Variants in HSD17B7 observed in about 807,000 individuals in gnomAD.
The protein encoded by HSD17B7 is 3-keto-steroid reductase/17-beta-hydroxysteroid dehydrogenase 7.
A neutral mutation model predicts 34.1 loss-of-function variants in HSD17B7; 17 were observed. The ratio of observed to expected loss-of-function variants is 0.50; its 90% CI spans 0.34 to 0.75. The LOEUF is 0.75. Ranked by LOEUF, HSD17B7 falls within the 30% of genes least tolerant of loss-of-function variation. The pLI is 0.01. For synonymous variants in HSD17B7, 122 were observed against 154.6 expected, an observed-to-expected ratio of 0.79 and a Z score of 1.56; for missense variants, 296 against 406.6, an observed-to-expected ratio of 0.73 and a Z score of 2.34.
At chr1:162,805,152 T>A (rs1256431062) in intron 7 of HSD17B7, among the ~76,000 whole-genome samples, 1 of 152,244 alleles carries the variant, frequency 6.6e-6, no homozygotes, top group Non-Finnish European at 1.5e-5. Context: ...GCTCTTGTTT[T>A]GGTAAGTGTT....
intron 5 of HSD17B7, 38 bp downstream of exon 5, chr1:162,799,975 G>A (rs750409340): frequency 2.5e-6 from 4 of 1,574,520 alleles, no homozygotes; most frequent in Admixed American, 3.4e-5. Context: ...TGGCAGAGGA[G>A]GGTTCTCTTA....
In HSD17B7 at chr1:162,812,483, T is replaced by G; in HGVS notation, c.*63T>G. 2 of 1,470,410 alleles carry G rather than the reference T, an allele frequency of 1.4e-6. No individual in the cohort carries two copies. The highest frequency in any genetic ancestry group is 1.8e-6 in the Non-Finnish European group (2 of 1,082,910). 91.1% of individuals were successfully genotyped at this position (1,470,410 alleles called of 1,614,324 possible). A position where few individuals can be genotyped will look rare whatever the true frequency, so the allele number is the denominator to read the frequency against. ...TGAGACCAGGAGTTCAAGACCAGCCTGAGAAACATAGTGAGCCCTTGTCTC... is the reference window on the plus strand; with the variant it reads ...TGAGACCAGGAGTTCAAGACCAGCCGGAGAAACATAGTGAGCCCTTGTCTC... On this transcript the variant is annotated 3_prime_UTR_variant, in exon 9 of 9. Transcript: ENST00000254521.
chr1:162,796,120 G>C (rs1376601342), intron 2 of HSD17B7, among the ~76,000 whole-genome samples: 1 of 152,114 alleles, frequency 6.6e-6, no homozygotes, highest in Non-Finnish European at 1.5e-5. Context: ...AGCATTAATA[G>C]ATCAGGTCAG....
At chr1:162,802,631 A>G (rs1648850485) in intron 5 of HSD17B7, among the ~76,000 whole-genome samples, 1 of 152,192 alleles carries the variant, frequency 6.6e-6, no homozygotes, top group South Asian at 2.1e-4. Flanking sequence ...AAAAGAAAAA[A>G]TGAGTTTAAA....
intron 1 of HSD17B7, among the ~76,000 whole-genome samples, chr1:162,791,810 T>C (rs563548185): frequency 2.0e-5 from 3 of 152,060 alleles, no homozygotes; most frequent in East Asian, 3.9e-4. Context: ...ATAAATATTT[T>C]TGATGCTTTG....
At chr1:162,806,147 A>T (rs1431006509) in intron 8 of HSD17B7, among the ~76,000 whole-genome samples, 1 of 152,130 alleles carries the variant, frequency 6.6e-6, no homozygotes, top group East Asian at 1.9e-4. Context: ...GGAATAAGAA[A>T]ATTTATTTTA....
At chr1:162,803,767 C>T (rs1487753050) in intron 6 of HSD17B7, among the ~76,000 whole-genome samples, 2 of 152,214 alleles carry the variant, frequency 1.3e-5, no homozygotes, top group Admixed American at 1.3e-4. Context: ...TGCTCATGCA[C>T]CACAGATCCC....
intron 7 of HSD17B7, 61 bp downstream of exon 7, chr1:162,804,384 A>C: frequency 9.8e-7 from 1 of 1,019,580 alleles, no homozygotes; most frequent in Non-Finnish European, 1.5e-6. Context: ...TTACAGGTTC[A>C]CTCGTAGTAG....
At chr1:162,811,969 A>G (rs1222119033) in intron 8 of HSD17B7, among the ~76,000 whole-genome samples, 1 of 152,212 alleles carries the variant, frequency 6.6e-6, no homozygotes, top group Non-Finnish European at 1.5e-5. Flanking sequence ...AAAACTCACA[A>G]AACTCTTGAT....
intron 8 of HSD17B7, among the ~76,000 whole-genome samples, chr1:162,809,888 T>G (rs553202343): frequency 6.6e-6 from 1 of 152,160 alleles, no homozygotes; most frequent in East Asian, 1.9e-4. Context: ...GTTGATCTTT[T>G]CAAAAAACCA....
At chr1:162,807,327 T>C (rs1244392583) in intron 8 of HSD17B7, among the ~76,000 whole-genome samples, 1 of 152,256 alleles carries the variant, frequency 6.6e-6, no homozygotes, top group East Asian at 1.9e-4. Context: ...GGCTGCATAG[T>C]ATTCTATGCT....
At chr1:162,802,647 T>TA (rs1452591010) in intron 5 of HSD17B7, among the ~76,000 whole-genome samples, 1 of 152,120 alleles carries the variant, frequency 6.6e-6, no homozygotes, top group East Asian at 1.9e-4. Flanking sequence ...TTAAAAATGA[T>TA]AAAAATGAGT....
intron 8 of HSD17B7, among the ~76,000 whole-genome samples, chr1:162,811,183 G>T (rs28407183): frequency 6.6e-6 from 1 of 151,960 alleles, no homozygotes; most frequent in Non-Finnish European, 1.5e-5. Flanking sequence ...GTCTGTAAAG[G>T]ATTTTATTTC....
chr1:162,801,218 G>T (rs1648803827), intron 5 of HSD17B7, among the ~76,000 whole-genome samples: 1 of 152,126 alleles, frequency 6.6e-6, no homozygotes, highest in Admixed American at 6.5e-5. Flanking sequence ...TCAGGTATCT[G>T]CCTGCCTCAG....
At chr1:162,801,815 T>G (rs1208041115) in intron 5 of HSD17B7, among the ~76,000 whole-genome samples, 1 of 152,194 alleles carries the variant, frequency 6.6e-6, no homozygotes, top group Non-Finnish European at 1.5e-5. Flanking sequence ...TGCTTCCTGA[T>G]ACTCTGAGAA....
chr1:162,805,584 G>A lies in HSD17B7; in HGVS notation c.903+92G>A, dbSNP rs371932721. ...ACCAGCCCCTCAGCCCCCCAGCTTCGCTTCTCTGGGTACTCACTGTTCACC... is the reference window on the plus strand; with the variant it reads ...ACCAGCCCCTCAGCCCCCCAGCTTCACTTCTCTGGGTACTCACTGTTCACC... On this transcript the variant is annotated intron_variant, in intron 8 of 8. Coordinates refer to ENST00000254521, the MANE Select transcript of HSD17B7 (RefSeq NM_016371.4). 1.7e-5 allele frequency: 26 copies of A among 1,529,856 alleles called. No homozygotes were observed. In the South Asian group the frequency reaches 1.9e-4, roughly 11 times the overall value. The allele number at this position is 1,529,856 out of a possible 1,614,324, so 94.8% of individuals were successfully genotyped here.
chr1:162,810,317 G>C (rs953222807), intron 8 of HSD17B7, among the ~76,000 whole-genome samples: 17 of 152,196 alleles, frequency 1.1e-4, no homozygotes, highest in African/African-American at 4.1e-4. Flanking sequence ...CTGAGAGACA[G>C]TTTGTTATAA....
At chr1:162,799,509 G>C (rs1648734541) in intron 4 of HSD17B7, 1 of 364,814 alleles carries the variant, frequency 2.7e-6, no homozygotes, top group Non-Finnish European at 5.0e-6. Flanking sequence ...AGATATCAGT[G>C]TCTTCTAAAC....
intron 3 of HSD17B7, 69 bp downstream of exon 3, chr1:162,796,746 A>G: frequency 2.1e-6 from 2 of 969,070 alleles, no homozygotes; most frequent in South Asian, 1.3e-5. Flanking sequence ...TTTTGATGGC[A>G]TGTTAAGTTG....
Sources: allele counts gnomAD v4.1 joint callset (sites outside exome capture counted in the v4.1 genomes callset), GRCh38; gene constraint gnomAD v4.1.1; transcripts MANE v1.5; gene names NCBI Gene and HGNC (gene_info 2026-07-23, HGNC 2026-07-21).